The following DPP6 variants were observed in gnomAD, a reference collection of about 807,000 sequenced individuals.
DPP6 encodes dipeptidyl peptidase like 6, also known as A-type potassium channel modulatory protein DPP6.
In DPP6, 69 loss-of-function variants were observed where a neutral mutation model predicts 122.6. That is an observed-to-expected ratio of 0.56 (90% CI 0.46 to 0.69). DPP6 has a LOEUF of 0.69. Among genes scored for constraint, DPP6 ranks in the 30% least tolerant of loss-of-function variants. DPP6 has a pLI of 0.00. For missense variants in DPP6, 928 were observed against 1,116.9 expected, an observed-to-expected ratio of 0.83 and a Z score of 2.41; for synonymous variants, 418 against 433.1, an observed-to-expected ratio of 0.97 and a Z score of 0.43.
chr7:154,853,920 TCAGAGA>T (rs972370935), intron 17 of DPP6, 93 bp downstream of exon 17: 6 of 1,536,532 alleles, frequency 3.9e-6, no homozygotes, highest in African/African-American at 1.4e-5. Context: ...ATTCTCCTAC[TCAGAGA>T]CAGAGGGATG....
At chr7:153,870,985 G>A in the DPP6 span, among the ~76,000 whole-genome samples, 4 of 152,218 alleles carry the variant, frequency 2.6e-5, no homozygotes, top group African/African-American at 7.2e-5. Context: ...AACCTCAAAT[G>A]CTGCTGCCTG....
chr7:154,220,082 G>C (rs954591456), intron 1 of DPP6, among the ~76,000 whole-genome samples: 1 of 152,138 alleles, frequency 6.6e-6, no homozygotes, highest in Admixed American at 6.5e-5. Flanking sequence ...TGCTAGACTT[G>C]TGCTATGGTT....
intron 1 of DPP6, among the ~76,000 whole-genome samples, chr7:154,131,444 G>A (rs2150634854): frequency 6.6e-6 from 1 of 152,384 alleles, no homozygotes; most frequent in African/African-American, 2.4e-5. Flanking sequence ...AAGAATTAGA[G>A]TTTCATGTCA....
At chr7:154,454,450 A>G (rs909166932) in intron 2 of DPP6, among the ~76,000 whole-genome samples, 2 of 152,248 alleles carry the variant, frequency 1.3e-5, no homozygotes, top group Admixed American at 1.3e-4. Context: ...GAGGCCATTG[A>G]GAACAGGATA....
the DPP6 span, among the ~76,000 whole-genome samples, chr7:153,832,300 C>G: frequency 6.6e-6 from 1 of 152,196 alleles, no homozygotes; most frequent in Non-Finnish European, 1.5e-5. Context: ...CCTCTGTTCT[C>G]TGCTGGTAAA....
intron 1 of DPP6, among the ~76,000 whole-genome samples, chr7:154,277,806 TTC>T (rs1476002756): frequency 6.6e-6 from 1 of 152,172 alleles, no homozygotes; most frequent in African/African-American, 2.4e-5. Context: ...GAAAGTAGTC[TTC>T]TCTCTCTTGC....
At chr7:154,213,858 C>G (rs936452055) in intron 1 of DPP6, among the ~76,000 whole-genome samples, 1 of 152,110 alleles carries the variant, frequency 6.6e-6, no homozygotes, top group Non-Finnish European at 1.5e-5. Flanking sequence ...GGGAGGAGAC[C>G]CTGGAAAAGC....
At chr7:154,331,444 A>G (rs1563492990) in intron 1 of DPP6, among the ~76,000 whole-genome samples, 1 of 152,230 alleles carries the variant, frequency 6.6e-6, no homozygotes. Flanking sequence ...AGACAGGAAG[A>G]AAGAACTCAC....
chr7:154,572,350 A>G (rs1831162132), intron 5 of DPP6, among the ~76,000 whole-genome samples: 1 of 152,092 alleles, frequency 6.6e-6, no homozygotes, highest in Non-Finnish European at 1.5e-5. Flanking sequence ...TTACCTATTT[A>G]TCTATATCTT....
intron 1 of DPP6, among the ~76,000 whole-genome samples, chr7:154,034,525 C>T (rs1369147843): frequency 6.6e-6 from 1 of 152,044 alleles, no homozygotes; most frequent in Non-Finnish European, 1.5e-5. Context: ...CTGTCTTTTC[C>T]TTCCTTTGTG....
At chr7:154,682,507 G>T (rs907607376) in intron 7 of DPP6, among the ~76,000 whole-genome samples, 1 of 152,216 alleles carries the variant, frequency 6.6e-6, no homozygotes, top group African/African-American at 2.4e-5. Context: ...TCATTCTAAT[G>T]CCCTGTGAGG....
chr7:154,222,968 G>A (rs1193592353), intron 1 of DPP6, among the ~76,000 whole-genome samples: 1 of 149,036 alleles, frequency 6.7e-6, no homozygotes, highest in Non-Finnish European at 1.5e-5. Flanking sequence ...TTCCGTAAAT[G>A]TAATTATTGT....
At chr7:154,056,713 C>T (rs144076038) in intron 1 of DPP6, among the ~76,000 whole-genome samples, 529 of 152,276 alleles carry the variant, frequency 3.5e-3, no homozygotes, top group African/African-American at 0.011. Flanking sequence ...TTTCATCATC[C>T]GCTATGTCTT....
At chr7:154,696,241 G>A (rs114483798) in intron 7 of DPP6, among the ~76,000 whole-genome samples, 1,665 of 152,304 alleles carry the variant, frequency 0.011, 41 homozygotes, top group African/African-American at 0.038. Context: ...ACAGCCACCC[G>A]GGCCCCTGGG....
rs535490201 is a variant in DPP6 at position 154,543,821 on chromosome 7, C to A, written c.552+3195C>A. The stretch of plus-strand genomic sequence containing the variant: ...CCAGCATGGCCAATGTGGTGAAACC[C>A]CATCTCTACTAAAAATTAAAAAGTT... On this transcript the variant is annotated intron_variant, in intron 4 of 25. Coordinates refer to ENST00000377770, the MANE Select transcript of DPP6 (RefSeq NM_130797.4). 4.0e-5 allele frequency among the ~76,000 whole-genome samples: 6 copies of A among 151,752 alleles called. No individual in the cohort carries two copies. The South Asian group carries it at 1.2e-3, about 32-fold the overall frequency.
At chr7:154,178,435 C>T (rs146547346) in intron 1 of DPP6, among the ~76,000 whole-genome samples, 1,544 of 145,718 alleles carry the variant, frequency 0.011, 31 homozygotes, top group African/African-American at 0.037. Flanking sequence ...CAGAAAAGTA[C>T]AATAAATGGG....
At chr7:154,072,243 A>G (rs1189560850) in intron 1 of DPP6, among the ~76,000 whole-genome samples, 2 of 152,242 alleles carry the variant, frequency 1.3e-5, no homozygotes, top group Admixed American at 6.5e-5. Flanking sequence ...AACTCCATAT[A>G]TTATTTCAGG....
chr7:154,500,401 G>C (rs897378435), intron 3 of DPP6, among the ~76,000 whole-genome samples: 1 of 152,150 alleles, frequency 6.6e-6, no homozygotes, highest in African/African-American at 2.4e-5. Flanking sequence ...GAGAGATAAA[G>C]CTTATAATAT....
intron 16 of DPP6, among the ~76,000 whole-genome samples, chr7:154,840,136 C>T (rs58587910): frequency 0.027 from 4,092 of 152,302 alleles, 94 homozygotes; most frequent in East Asian, 0.093. Context: ...TCACAGGTAG[C>T]GCCCACCAAG....
Sources: allele counts gnomAD v4.1 joint callset (sites outside exome capture counted in the v4.1 genomes callset), GRCh38; gene constraint gnomAD v4.1.1; transcripts MANE v1.5; gene names NCBI Gene and HGNC (gene_info 2026-07-23, HGNC 2026-07-21).